CYBRD1: variants seen among roughly 807,000 people sequenced by gnomAD.
CYBRD1 encodes the protein cytochrome b reductase 1, also known as plasma membrane ascorbate-dependent reductase CYBRD1.
Under a neutral mutation model 21.9 loss-of-function variants are expected in CYBRD1, and 14 were observed. The observed-to-expected ratio is 0.64, with a 90% confidence interval of 0.42 to 1.00. The LOEUF (loss-of-function observed/expected upper bound fraction) is 1.00, where lower values mean the gene tolerates loss of function less well. Ranked by LOEUF, CYBRD1 falls within the 50% of genes least tolerant of loss-of-function variation. The pLI is 0.00. For missense variants in CYBRD1, 328 were observed against 352.5 expected, an observed-to-expected ratio of 0.93 and a Z score of 0.56; for synonymous variants, 146 against 136.5, an observed-to-expected ratio of 1.07 and a Z score of -0.48.
At position 171,541,661 on chromosome 2, in the gene CYBRD1, T is replaced by C; in HGVS notation, c.270T>C (p.Asn90=). 2 of 1,613,978 alleles carry C rather than the reference T, an allele frequency of 1.2e-6. No individual in the cohort carries two copies. Among genetic ancestry groups the C allele is most frequent in the Non-Finnish European group, 1.7e-6 (2 of 1,179,994 alleles). Residue 90 remains asparagine, a synonymous_variant, in exon 2 of 4, where the codon AAT becomes AAC. Coordinates refer to ENST00000321348, the MANE Select transcript of CYBRD1 (RefSeq NM_024843.4). ...LLMKSIHAGL[N]AVAAILAIIS... is the part of the protein sequence containing the mutation. ...TGAAATCCATCCATGCAGGGTTAAA[T>C]GCAGTTGCTGCCATTCTTGCAATTA...
intron 1 of CYBRD1, among the ~76,000 whole-genome samples, chr2:171,534,831 T>C (rs760589861): frequency 1.1e-4 from 16 of 152,216 alleles, no homozygotes; most frequent in Non-Finnish European, 1.8e-4. Flanking sequence ...GATCCCTAAG[T>C]ACCCACGACC....
intron 1 of CYBRD1, chr2:171,523,135 C>T (rs865916055): frequency 6.1e-6 from 2 of 326,920 alleles, no homozygotes; most frequent in South Asian, 2.6e-5. Flanking sequence ...CGCTGCAGCC[C>T]ACGCGCCCCG....
chr2:171,531,707 C>T (rs1215311780), intron 1 of CYBRD1, among the ~76,000 whole-genome samples: 1 of 152,082 alleles, frequency 6.6e-6, no homozygotes. Context: ...AAGTTCTACC[C>T]TTCATTTTAG....
intron 2 of CYBRD1, among the ~76,000 whole-genome samples, chr2:171,548,645 TAAAAAAAAAAAA>T (rs57266656): frequency 2.2e-5 from 2 of 89,970 alleles, no homozygotes; most frequent in Non-Finnish European, 4.2e-5. Flanking sequence ...ACCTGTACCC[TAAAAAAAAAAAA>T]AAAAAAAAAG....
chr2:171,522,488 G>A lies in CYBRD1; in HGVS notation c.-58G>A. ...CCCGCCGCCCGGCCACTACCCAGAG[G>A]GCTGCCGCCGCCTCTCCAAGTTCTT... On this transcript the variant is annotated 5_prime_UTR_variant, in exon 1 of 4. Transcript: ENST00000321348. The surrounding 1 kb of genome is among the most constrained non-coding windows in gnomAD (Gnocchi z 4.3). 2 of 1,550,608 alleles carry A rather than the reference G, an allele frequency of 1.3e-6. No individual in the cohort carries two copies. The highest frequency in any genetic ancestry group is 8.7e-7 in the Non-Finnish European group (1 of 1,148,846).
intron 1 of CYBRD1, among the ~76,000 whole-genome samples, chr2:171,531,002 A>G (rs1697456755): frequency 6.6e-6 from 1 of 152,016 alleles, no homozygotes; most frequent in Non-Finnish European, 1.5e-5. Context: ...AAAAAATACA[A>G]AAATTAGCCA....
In CYBRD1 at chr2:171,523,330, G is replaced by A. The variant is rs1199704121; in HGVS notation, c.193+592G>A. ...GGCCCTGGGTAAAGGGGCTGGCCAA[G>A]GGGGGCGAGTGAAGCATCCGCCCTG... On this transcript the variant is annotated intron_variant, in intron 1 of 3. Coordinates refer to ENST00000321348, the MANE Select transcript of CYBRD1 (RefSeq NM_024843.4). 3.3e-5 allele frequency: 12 copies of A among 365,186 alleles called. 1 individual carries two copies. Among genetic ancestry groups the A allele is most frequent in the South Asian group, 2.6e-4 (12 of 46,934 alleles). 22.6% of individuals were successfully genotyped at this position (365,186 alleles called of 1,614,324 possible). A position where few individuals can be genotyped will look rare whatever the true frequency, so the allele number is the denominator to read the frequency against.
intron 1 of CYBRD1, among the ~76,000 whole-genome samples, chr2:171,534,061 TCTTAA>T (rs1392154133): frequency 6.6e-6 from 1 of 152,224 alleles, no homozygotes; most frequent in Non-Finnish European, 1.5e-5. Context: ...CTCTTCATTG[TCTTAA>T]GATAATTATA....
Position 171,553,441 on chromosome 2 carries a change from C to T in CYBRD1, c.498C>T (p.Ile166=), listed in dbSNP as rs1216182740. ...TACATGTTTATTCTGGAATTGTCATCTTTGGAACAGTGATTGCAACAGCAC... is the reference window on the plus strand; with the variant it reads ...TACATGTTTATTCTGGAATTGTCATTTTTGGAACAGTGATTGCAACAGCAC... The part of the protein sequence containing the change: ...MPIHVYSGIV[I]FGTVIATALM... The change falls in exon 3 of 4, where the codon ATC becomes ATT. Residue 166 remains isoleucine (I), a synonymous_variant. Coordinates refer to ENST00000321348, the MANE Select transcript of CYBRD1 (RefSeq NM_024843.4). 4 of 1,613,682 alleles carry T rather than the reference C, an allele frequency of 2.5e-6. No individual in the cohort carries two copies. The highest frequency in any genetic ancestry group is 3.4e-6 in the Non-Finnish European group (4 of 1,179,762).
At position 171,557,539 on chromosome 2, in the gene CYBRD1, T is replaced by C. The variant is rs760898579; in HGVS notation, c.*2712T>C. 2.0e-5 allele frequency: 3 copies of C among 152,264 alleles called. No homozygotes were observed. The highest frequency in any genetic ancestry group is 4.8e-5 in the African/African-American group (2 of 41,470). The allele number at this position is 152,264 out of a possible 1,614,324, so 9.4% of individuals were successfully genotyped here. ...ATCAAAAGTGTACGGCTTCCTGTGC[T>C]GCTTGTGTCAAATGGAACCTGCCCT... On this transcript the variant is annotated 3_prime_UTR_variant, in exon 4 of 4. Transcript: ENST00000321348.
intron 2 of CYBRD1, among the ~76,000 whole-genome samples, chr2:171,543,686 ATTGT>A (rs67519748): frequency 0.088 from 13,367 of 152,230 alleles, 707 homozygotes; most frequent in Middle Eastern, 0.17. Context: ...TAAATCATAT[ATTGT>A]TTAATTTTGC....
rs1683500332 is a variant in CYBRD1 at position 171,557,096 on chromosome 2, ATAT to A, written c.*2273_*2275del. On this transcript the variant is annotated 3_prime_UTR_variant, in exon 4 of 4. Coordinates refer to ENST00000321348, the MANE Select transcript of CYBRD1 (RefSeq NM_024843.4). ...GGCTAATGTGAGGATAATCTTACAGATATTATAGGAATTTCTTTTCTATCTTTA... is the reference window on the plus strand; with the variant it reads ...GGCTAATGTGAGGATAATCTTACAGATATAGGAATTTCTTTTCTATCTTTA... 6.5e-6 allele frequency: 1 copy of A among 152,726 alleles called. No homozygotes were observed. Among genetic ancestry groups the A allele is most frequent in the Non-Finnish European group, 1.5e-5 (1 of 68,030 alleles). The allele number at this position is 152,726 out of a possible 1,614,324, so 9.5% of individuals were successfully genotyped here.
chr2:171,541,530 G>A, intron 1 of CYBRD1, 55 bp from the exon 2 acceptor site: 1 of 1,544,706 alleles, frequency 6.5e-7, no homozygotes, highest in Non-Finnish European at 8.9e-7. Flanking sequence ...TGTTCATTTT[G>A]TGTTGTTTAA....
At chr2:171,524,396 G>A (rs1005603351) in intron 1 of CYBRD1, among the ~76,000 whole-genome samples, 1 of 152,218 alleles carries the variant, frequency 6.6e-6, no homozygotes, top group Non-Finnish European at 1.5e-5. Flanking sequence ...TCAAAGAGTA[G>A]AGCCAGTCTC....
At position 171,554,803 on chromosome 2, in the gene CYBRD1, G is replaced by A. The variant is rs1426076538; in HGVS notation, c.837G>A (p.Glu279=). 1.2e-6 allele frequency: 2 copies of A among 1,613,336 alleles called. No individual in the cohort carries two copies. The highest frequency in any genetic ancestry group is 1.7e-5 in the Admixed American group (1 of 59,982). ...GGAAAAGAAACTTAGCTCTGGATGA[G>A]GCTGGGCAGAGATCTACCATGTAAA... The part of the protein sequence containing the change: ...AARKRNLALD[E]AGQRSTM The change falls in exon 4 of 4, where the codon GAG becomes GAA. Residue 279 remains glutamate (E), a synonymous_variant. Coordinates refer to ENST00000321348, the MANE Select transcript of CYBRD1 (RefSeq NM_024843.4).
intron 1 of CYBRD1, among the ~76,000 whole-genome samples, chr2:171,528,874 G>A (rs1297679955): frequency 6.6e-6 from 1 of 152,198 alleles, no homozygotes; most frequent in Admixed American, 6.5e-5. Context: ...GCAGTCATCT[G>A]TGATTCTTCT....
intron 1 of CYBRD1, among the ~76,000 whole-genome samples, chr2:171,533,991 C>T (rs1697510982): frequency 6.6e-6 from 1 of 152,138 alleles, no homozygotes; most frequent in Non-Finnish European, 1.5e-5. Flanking sequence ...CAGGCGTGAG[C>T]CACCACACCC....
chr2:171,525,948 A>G (rs1157903550), intron 1 of CYBRD1, among the ~76,000 whole-genome samples: 1 of 10,856 alleles, frequency 9.2e-5, no homozygotes, highest in Admixed American at 6.9e-4. Context: ...ACTCCCGTCT[A>G]AAAAAAAAAA....
At chr2:171,550,386 G>A (rs1014126651) in intron 2 of CYBRD1, among the ~76,000 whole-genome samples, 3 of 151,978 alleles carry the variant, frequency 2.0e-5, no homozygotes, top group Non-Finnish European at 4.4e-5. Flanking sequence ...GATTACAGCA[G>A]GCATCCCTTT....
Sources: allele counts gnomAD v4.1 joint callset (sites outside exome capture counted in the v4.1 genomes callset), GRCh38; gene constraint gnomAD v4.1.1; non-coding constraint Gnocchi (gnomAD v3.1); transcripts MANE v1.5; gene names NCBI Gene and HGNC (gene_info 2026-07-23, HGNC 2026-07-21).